PCBD2: variants seen among roughly 807,000 people sequenced by gnomAD.
PCBD2 encodes the protein pterin-4-alpha-carbinolamine dehydratase 2.
Under a neutral mutation model 16.4 loss-of-function variants are expected in PCBD2, and 12 were observed. The observed-to-expected ratio is 0.73, with a 90% CI of 0.47 to 1.19. The LOEUF (loss-of-function observed/expected upper bound fraction) is 1.19. Among genes scored for constraint, PCBD2 ranks in the 50% most tolerant of loss-of-function variants. The pLI, the probability that PCBD2 is intolerant of heterozygous loss-of-function variation, is 0.00. For synonymous variants in PCBD2, 58 were observed against 61.8 expected, an observed-to-expected ratio of 0.94 and a Z score of 0.29; for missense variants, 138 against 156.8, an observed-to-expected ratio of 0.88 and a Z score of 0.64.
At chr5:134,950,044 C>T (rs1751341358) in intron 2 of PCBD2, among the ~76,000 whole-genome samples, 1 of 152,052 alleles carries the variant, frequency 6.6e-6, no homozygotes, top group Non-Finnish European at 1.5e-5. Flanking sequence ...GAAGAAATGC[C>T]CAAACTGATT....
chr5:134,910,145 G>A (rs866534605), intron 1 of PCBD2, among the ~76,000 whole-genome samples, 190 bp from the exon 2 acceptor site: 2 of 152,198 alleles, frequency 1.3e-5, no homozygotes, highest in African/African-American at 4.8e-5. Flanking sequence ...GAGGTGACAT[G>A]CCATGGAGGC....
At chr5:134,908,149 T>C (rs902116880) in intron 1 of PCBD2, among the ~76,000 whole-genome samples, 1 of 151,346 alleles carries the variant, frequency 6.6e-6, no homozygotes, top group Admixed American at 6.6e-5. Context: ...CTTCAACTCC[T>C]GGCCTAAAAT....
At chr5:134,956,587 A>T (rs188249808) in intron 2 of PCBD2, among the ~76,000 whole-genome samples, 9 of 152,324 alleles carry the variant, frequency 5.9e-5, no homozygotes, top group Admixed American at 1.3e-4. Flanking sequence ...GTGACTGTGC[A>T]CTCATAATTT....
chr5:134,916,086 T>C (rs140163428), intron 2 of PCBD2, among the ~76,000 whole-genome samples: 32 of 152,242 alleles, frequency 2.1e-4, no homozygotes, highest in African/African-American at 7.7e-4. Flanking sequence ...CCAAGGAGTT[T>C]GAGGCTAGCC....
intron 2 of PCBD2, among the ~76,000 whole-genome samples, chr5:134,951,676 T>C (rs2149539802): frequency 6.6e-6 from 1 of 152,340 alleles, no homozygotes; most frequent in East Asian, 1.9e-4. Flanking sequence ...TTAGCAAATA[T>C]TTTGATCTTT....
At chr5:134,917,796 G>A (rs1180595062) in intron 2 of PCBD2, among the ~76,000 whole-genome samples, 1 of 152,258 alleles carries the variant, frequency 6.6e-6, no homozygotes, top group African/African-American at 2.4e-5. Context: ...AGCACCATAT[G>A]TGACTTTGGG....
intron 2 of PCBD2, among the ~76,000 whole-genome samples, chr5:134,931,486 A>G (rs2149535463): frequency 6.6e-6 from 1 of 152,308 alleles, no homozygotes; most frequent in Non-Finnish European, 1.5e-5. Context: ...CCTATGAACT[A>G]ACATAGGTTG....
chr5:134,938,474 G>A (rs1031627461), intron 2 of PCBD2, among the ~76,000 whole-genome samples: 4 of 152,186 alleles, frequency 2.6e-5, no homozygotes, highest in African/African-American at 9.6e-5. Context: ...ACCATATGAC[G>A]AGGGTGTCCT....
intron 1 of PCBD2, among the ~76,000 whole-genome samples, chr5:134,907,163 T>A (rs537985357): frequency 9.8e-4 from 150 of 152,392 alleles, no homozygotes; most frequent in African/African-American, 3.5e-3. Flanking sequence ...TCTTTGCAGC[T>A]ACTCAGTGTG....
chr5:134,927,630 C>A (rs1015272842), intron 2 of PCBD2: 64 of 398,116 alleles, frequency 1.6e-4, no homozygotes, highest in Non-Finnish European at 2.7e-4. Flanking sequence ...TTGGTTGCCT[C>A]ATCGGGTGAT....
At chr5:134,926,684 G>A (rs1290488543) in intron 2 of PCBD2, 5 of 396,792 alleles carry the variant, frequency 1.3e-5, no homozygotes, top group Admixed American at 8.8e-5. Flanking sequence ...TAATGATATC[G>A]GGGTTGAGGG....
intron 2 of PCBD2, among the ~76,000 whole-genome samples, chr5:134,942,998 GTC>G (rs1252915736): frequency 6.6e-6 from 1 of 152,198 alleles, no homozygotes; most frequent in Non-Finnish European, 1.5e-5. Flanking sequence ...GACATTTAGA[GTC>G]TTTCTCATGG....
At chr5:134,923,751 CG>C in intron 2 of PCBD2, 1 of 391,588 alleles carries the variant, frequency 2.6e-6, no homozygotes, top group Non-Finnish European at 4.5e-6. Flanking sequence ...ATATAGGCCT[CG>C]GCCGATGTGT....
chr5:134,935,629 A>G (rs920792997), intron 2 of PCBD2, among the ~76,000 whole-genome samples: 1 of 152,270 alleles, frequency 6.6e-6, no homozygotes, highest in Non-Finnish European at 1.5e-5. Context: ...AGAAACTGAT[A>G]ACATATTTCT....
In PCBD2 at chr5:134,945,535, G is replaced by A. The variant is rs548373806; in HGVS notation, c.217-13505G>A. Among the ~76,000 whole-genome samples, 289 of 152,028 alleles carry A rather than the reference G, an allele frequency of 1.9e-3. 1 individual carries two copies. The highest frequency in any genetic ancestry group is 6.6e-3 in the African/African-American group (274 of 41,454). On this transcript the variant is annotated intron_variant, in intron 2 of 3. Transcript: ENST00000254908. ...GTTAAGATAATTTATATAGAAATGC[G>A]GAAAAATTTGACTTAAGAATTTATT...
chr5:134,917,557 G>A (rs1750849041), intron 2 of PCBD2, among the ~76,000 whole-genome samples: 1 of 152,328 alleles, frequency 6.6e-6, no homozygotes, highest in Non-Finnish European at 1.5e-5. Context: ...TGCTTTCTTC[G>A]GTGGGCCTGC....
intron 1 of PCBD2, among the ~76,000 whole-genome samples, chr5:134,908,579 C>T (rs1418307728): frequency 1.3e-5 from 2 of 150,424 alleles, no homozygotes; most frequent in Non-Finnish European, 2.9e-5. Flanking sequence ...GCAGAAGAGT[C>T]GCTTGAACCT....
At chr5:134,950,746 A>G (rs774555755) in intron 2 of PCBD2, among the ~76,000 whole-genome samples, 14 of 152,238 alleles carry the variant, frequency 9.2e-5, no homozygotes, top group Non-Finnish European at 1.9e-4. Context: ...ACTTCATCAT[A>G]CATTCATTGA....
intron 1 of PCBD2, among the ~76,000 whole-genome samples, chr5:134,907,812 T>TG (rs1750715583): frequency 6.8e-6 from 1 of 146,192 alleles, no homozygotes; most frequent in Admixed American, 6.8e-5. Context: ...TTAGTAGAGA[T>TG]GGGGTTTCAC....
Sources: gnomAD v4.1 joint callset for allele counts (sites outside exome capture counted in the v4.1 genomes callset) on GRCh38, gnomAD v4.1.1 for gene constraint, MANE v1.5 for transcripts, NCBI Gene and HGNC (gene_info 2026-07-23, HGNC 2026-07-21) for gene names.